The following SLC28A1 variants were observed in gnomAD, a reference collection of about 807,000 sequenced individuals.
The protein encoded by SLC28A1 is solute carrier family 28 member 1, also known as sodium/nucleoside cotransporter 1.
SLC28A1 carries 64 observed loss-of-function variants against 74.8 expected under a neutral mutation model. The observed-to-expected ratio is 0.86, with a 90% CI of 0.70 to 1.05. SLC28A1 has a LOEUF of 1.05. Ranked by LOEUF, SLC28A1 falls within the 50% of genes least tolerant of loss-of-function variation. The pLI is 0.00. For synonymous variants in SLC28A1, 359 were observed against 335.0 expected, an observed-to-expected ratio of 1.07 and a Z score of -0.78; for missense variants, 828 against 822.8, an observed-to-expected ratio of 1.01 and a Z score of -0.08.
the SLC28A1 span, among the ~76,000 whole-genome samples, chr15:84,967,845 G>A: frequency 6.6e-6 from 1 of 152,198 alleles, no homozygotes; most frequent in Non-Finnish European, 1.5e-5. Flanking sequence ...GTTTGTGGGT[G>A]AGTCTGAGGG....
chr15:84,935,699 C>G (rs1400105435), intron 15 of SLC28A1, among the ~76,000 whole-genome samples, 181 bp downstream of exon 15: 1 of 152,208 alleles, frequency 6.6e-6, no homozygotes, highest in Non-Finnish European at 1.5e-5. Flanking sequence ...TGCCATCTTT[C>G]TCAAGGCCTT....
intron 8 of SLC28A1, among the ~76,000 whole-genome samples, chr15:84,907,588 C>T (rs1967432143): frequency 6.6e-6 from 1 of 152,154 alleles, no homozygotes; most frequent in Admixed American, 6.5e-5. Flanking sequence ...TCATTGCAGC[C>T]TCGACCTCCT....
downstream of SLC28A1, among the ~76,000 whole-genome samples, chr15:84,946,110 ATAT>A (rs2079215060): frequency 1.0e-4 from 1 of 9,596 alleles, no homozygotes; most frequent in Non-Finnish European, 2.4e-4. Context: ...ATATATATAT[ATAT>A]TTTTTTTTTT....
At chr15:84,928,334 T>C (rs1304281520) in intron 12 of SLC28A1, among the ~76,000 whole-genome samples, 2 of 151,960 alleles carry the variant, frequency 1.3e-5, no homozygotes, top group East Asian at 2.0e-4. Context: ...TCTCTGGGTC[T>C]GCCCCAGTCT....
chr15:84,964,561 T>C, the SLC28A1 span, among the ~76,000 whole-genome samples: 6 of 152,248 alleles, frequency 3.9e-5, no homozygotes, highest in Non-Finnish European at 5.9e-5. Context: ...ATATCTCACA[T>C]AGTAGCAACT....
At chr15:84,972,519 A>G in the SLC28A1 span, among the ~76,000 whole-genome samples, 5 of 152,328 alleles carry the variant, frequency 3.3e-5, no homozygotes, top group South Asian at 1.0e-3. Flanking sequence ...GGGGCTAAAC[A>G]AATGTCAGCT....
At chr15:84,952,526 C>T in the SLC28A1 span, among the ~76,000 whole-genome samples, 1 of 152,236 alleles carries the variant, frequency 6.6e-6, no homozygotes. Context: ...ACTTCCTCCA[C>T]TCAGCCCCAA....
chr15:84,889,207 G>T (rs1005420838), intron 4 of SLC28A1, among the ~76,000 whole-genome samples: 3 of 152,136 alleles, frequency 2.0e-5, no homozygotes, highest in African/African-American at 7.2e-5. Context: ...GAAGACTCCG[G>T]TTAAAAATCC....
intron 8 of SLC28A1, among the ~76,000 whole-genome samples, chr15:84,906,260 T>C (rs945878709): frequency 1.3e-5 from 2 of 152,022 alleles, no homozygotes; most frequent in Non-Finnish European, 2.9e-5. Context: ...CCTCAGACGA[T>C]TCGCTTGCCT....
intron 4 of SLC28A1, among the ~76,000 whole-genome samples, chr15:84,890,027 G>A (rs1042696617): frequency 1.3e-5 from 2 of 151,922 alleles, no homozygotes; most frequent in Non-Finnish European, 1.5e-5. Context: ...GTAGAGAAGG[G>A]GTTTGTCATG....
At chr15:84,958,733 T>C in the SLC28A1 span, among the ~76,000 whole-genome samples, 1 of 152,118 alleles carries the variant, frequency 6.6e-6, no homozygotes, top group Non-Finnish European at 1.5e-5. Context: ...TTAAAATTTC[T>C]TTTATAGAGA....
In SLC28A1 at chr15:84,933,292, G is replaced by T; in HGVS notation, c.1214+17G>T. ...GACCTATGGGTGAGCACAGCAGGAG[G>T]TCCTGCAGACAGGGTAGTGGTACAA... is the stretch of plus-strand genomic sequence containing the variant. On this transcript the variant is annotated intron_variant, in intron 13 of 18. Transcript: ENST00000394573. 6.2e-7 allele frequency: 1 copy of T among 1,611,434 alleles called. No individual in the cohort carries two copies. Among genetic ancestry groups the T allele is most frequent in the South Asian group, 1.1e-5 (1 of 90,930 alleles).
At chr15:84,925,845 C>G (rs1970448581) in intron 12 of SLC28A1, among the ~76,000 whole-genome samples, 1 of 151,652 alleles carries the variant, frequency 6.6e-6, no homozygotes, top group South Asian at 2.1e-4. Context: ...AAAAGATATT[C>G]AAGCTCACTG....
At chr15:84,945,011 A>G (rs1252731185) in intron 18 of SLC28A1, 114 bp from the exon 19 acceptor site, 6 of 1,135,700 alleles carry the variant, frequency 5.3e-6, no homozygotes, top group Non-Finnish European at 8.0e-6. Flanking sequence ...TCGAGGACCA[A>G]TGGAGGAAGG....
intron 5 of SLC28A1, among the ~76,000 whole-genome samples, chr15:84,891,166 C>T (rs745354633): frequency 1.5e-4 from 23 of 152,154 alleles, no homozygotes; most frequent in South Asian, 4.1e-4. Context: ...GGAATTCACA[C>T]GGTGGGACCC....
chr15:84,905,911 A>C (rs963348701), intron 8 of SLC28A1, among the ~76,000 whole-genome samples: 3 of 151,630 alleles, frequency 2.0e-5, no homozygotes, highest in Non-Finnish European at 4.4e-5. Flanking sequence ...TAACTTGGAA[A>C]TTGTAATAGT....
chr15:84,921,807 C>T (rs758533302), intron 11 of SLC28A1, among the ~76,000 whole-genome samples: 1 of 152,126 alleles, frequency 6.6e-6, no homozygotes, highest in African/African-American at 2.4e-5. Context: ...TGAAGATAGA[C>T]GTGCTCTCAG....
chr15:84,973,765 G>A, the SLC28A1 span, among the ~76,000 whole-genome samples: 16 of 152,172 alleles, frequency 1.1e-4, no homozygotes, highest in African/African-American at 3.1e-4. Flanking sequence ...GAAGTCAGGG[G>A]CTGTTTTGTC....
At chr15:84,935,230 G>C (rs766915886) in intron 14 of SLC28A1, 36 bp downstream of exon 14, 1 of 1,613,314 alleles carries the variant, frequency 6.2e-7, no homozygotes. Context: ...TCTGTAGAGA[G>C]GATGGCCCCA....
Sources: gnomAD v4.1 joint callset for allele counts (sites outside exome capture counted in the v4.1 genomes callset) on GRCh38, gnomAD v4.1.1 for gene constraint, MANE v1.5 for transcripts, NCBI Gene and HGNC (gene_info 2026-07-23, HGNC 2026-07-21) for gene names.